The following CAMK2D variants were observed in gnomAD, a reference collection of about 807,000 sequenced individuals.
The protein encoded by CAMK2D is calcium/calmodulin dependent protein kinase II delta.
Under a neutral mutation model 84.0 loss-of-function variants are expected in CAMK2D, and 37 were observed. The observed-to-expected ratio is 0.44, with a 90% CI of 0.34 to 0.58. CAMK2D has a LOEUF of 0.58. Ranked by LOEUF, CAMK2D falls within the 20% of genes least tolerant of loss-of-function variation. The probability of loss-of-function intolerance (pLI) is 0.02; values close to 1 mark genes in which losing one functional copy is unlikely to be tolerated. For synonymous variants in CAMK2D, 202 were observed against 212.5 expected (o/e 0.95, Z 0.43); for missense variants, 448 against 652.5 (o/e 0.69, Z 3.41).
intron 8 of CAMK2D, 38 bp downstream of exon 8, chr4:113,531,178 G>T: frequency 1.9e-6 from 2 of 1,047,104 alleles, no homozygotes; most frequent in Non-Finnish European, 3.0e-6. Flanking sequence ...TAAGACACTA[G>T]CTTATCACAA....
At chr4:113,478,236 G>A (rs1480167284) in intron 16 of CAMK2D, among the ~76,000 whole-genome samples, 3 of 152,154 alleles carry the variant, frequency 2.0e-5, no homozygotes, top group Admixed American at 6.5e-5. Flanking sequence ...AGCACTTACC[G>A]AAGTGAGGTT....
intron 2 of CAMK2D, among the ~76,000 whole-genome samples, chr4:113,697,860 C>A (rs895169557): frequency 2.6e-5 from 4 of 152,022 alleles, no homozygotes; most frequent in African/African-American, 9.7e-5. Context: ...TTTAAAAGAA[C>A]CCACCTTCTT....
At chr4:113,678,987 C>T (rs1186074966) in intron 2 of CAMK2D, among the ~76,000 whole-genome samples, 1 of 152,086 alleles carries the variant, frequency 6.6e-6, no homozygotes, top group East Asian at 1.9e-4. Context: ...CCAGAATAAC[C>T]ACTATTCTGA....
At chr4:113,460,072 C>A in intron 18 of CAMK2D, 75 bp downstream of exon 18, 1 of 861,272 alleles carries the variant, frequency 1.2e-6, no homozygotes, top group South Asian at 1.4e-5. Context: ...TAGAAAAGAG[C>A]AAAATAATCT....
At chr4:113,608,226 TTAA>T (rs1395419156) in intron 4 of CAMK2D, among the ~76,000 whole-genome samples, 1 of 152,238 alleles carries the variant, frequency 6.6e-6, no homozygotes, top group African/African-American at 2.4e-5. Context: ...ACGTGGTTTC[TTAA>T]TGATATCATT....
intron 19 of CAMK2D, 22 bp from the exon 20 acceptor site, chr4:113,455,843 A>C (rs1011130609): frequency 2.1e-6 from 3 of 1,414,352 alleles, no homozygotes; most frequent in Non-Finnish European, 3.0e-6. Flanking sequence ...AGCCCCATTT[A>C]AGCCACCTGG....
intron 16 of CAMK2D, among the ~76,000 whole-genome samples, chr4:113,492,319 C>G (rs2097855607): frequency 6.6e-6 from 1 of 152,026 alleles, no homozygotes; most frequent in African/African-American, 2.4e-5. Context: ...TTGAATGTGT[C>G]CCAGAGATTC....
At chr4:113,758,819 C>A (rs564529214) in intron 2 of CAMK2D, among the ~76,000 whole-genome samples, 3 of 152,254 alleles carry the variant, frequency 2.0e-5, no homozygotes, top group Non-Finnish European at 2.9e-5. Context: ...AACTAAACTT[C>A]CTAGAATATA....
Position 113,543,515 on chromosome 4 carries a change from C to T in CAMK2D, c.414+4129G>A, listed in dbSNP as rs376994449. On this transcript the variant is annotated intron_variant, in intron 6 of 20. Coordinates refer to ENST00000511664, the MANE Select transcript of CAMK2D (RefSeq NM_001321571.2). The stretch of plus-strand genomic sequence containing the variant: ...GGATTACAGGCATAAGCCACTGCAC[C>T]GGGCCTACATACATATTTTTACATG... 3.4e-4 allele frequency among the ~76,000 whole-genome samples: 51 copies of T among 151,984 alleles called. No individual in the cohort carries two copies. In the South Asian group the frequency reaches 9.4e-3, roughly 28 times the overall value.
chr4:113,651,915 T>A (rs957919382), intron 3 of CAMK2D, among the ~76,000 whole-genome samples: 1 of 152,174 alleles, frequency 6.6e-6, no homozygotes, highest in African/African-American at 2.4e-5. Context: ...AGTTCTATAA[T>A]ACCTATATTT....
intron 2 of CAMK2D, among the ~76,000 whole-genome samples, chr4:113,685,594 G>T (rs7670019): frequency 3.3e-5 from 5 of 151,852 alleles, no homozygotes; most frequent in African/African-American, 1.2e-4. Context: ...AATAAATTAG[G>T]TGTATAAATT....
chr4:113,529,401 A>C (rs1312328054), intron 8 of CAMK2D, among the ~76,000 whole-genome samples: 1 of 152,200 alleles, frequency 6.6e-6, no homozygotes, highest in African/African-American at 2.4e-5. Flanking sequence ...TTTCAGAATC[A>C]AGTAAAGTTT....
rs1389976604 is a variant in CAMK2D, at chr4:113,705,915, A to G, written c.161-44143T>C. On this transcript the variant is annotated intron_variant, in intron 2 of 20. Transcript: ENST00000511664. ...GAACCCTGGCATAGTTGTGGGGAAGAGCTCCAAAAACCTGTAACACCATAT... is the reference window on the plus strand; with the variant it reads ...GAACCCTGGCATAGTTGTGGGGAAGGGCTCCAAAAACCTGTAACACCATAT... Among the ~76,000 whole-genome samples the G allele has an allele frequency of 2.6e-5, 4 of 152,182 alleles. No homozygotes were observed. In the East Asian group the frequency reaches 7.7e-4, roughly 29 times the overall value.
chr4:113,750,861 A>G (rs1460174013), intron 2 of CAMK2D, among the ~76,000 whole-genome samples: 1 of 152,114 alleles, frequency 6.6e-6, no homozygotes, highest in Admixed American at 6.5e-5. Context: ...AAAAAAAATA[A>G]AACAAACAAC....
At chr4:113,530,056 T>G (rs1375923410) in intron 8 of CAMK2D, among the ~76,000 whole-genome samples, 1 of 152,246 alleles carries the variant, frequency 6.6e-6, no homozygotes, top group Non-Finnish European at 1.5e-5. Flanking sequence ...TGCTGTAGAC[T>G]GAGGTTTGAG....
chr4:113,477,548 C>A (rs1293074651), intron 16 of CAMK2D, among the ~76,000 whole-genome samples: 1 of 151,698 alleles, frequency 6.6e-6, no homozygotes, highest in Non-Finnish European at 1.5e-5. Context: ...GAGTTCGAGA[C>A]CAGCCTGGCC....
Position 113,499,876 on chromosome 4 carries a change from GCACTGAGAAGATGT to G in CAMK2D, c.1135+573_1135+586del, listed in dbSNP as rs1294902884. On this transcript the variant is annotated intron_variant, in intron 16 of 20. Transcript: ENST00000511664. ...GTGTGTTCAGTATGTGTGTGCAGGG[GCACTGAGAAGATGT>G]CTGTAGAAACACTACCAATGACTCA... is the stretch of plus-strand genomic sequence containing the variant. Among the ~76,000 whole-genome samples, 10 of 152,250 alleles carry G rather than the reference GCACTGAGAAGATGT, an allele frequency of 6.6e-5. No homozygotes were observed. In the East Asian group the frequency reaches 1.9e-3, roughly 29 times the overall value.
rs983192791 is a variant in CAMK2D at position 113,724,004 on chromosome 4, C to T, written c.160+35316G>A. On this transcript the variant is annotated intron_variant, in intron 2 of 20. Transcript: ENST00000511664. ...CATATTGATGTTATATTACGTATTA[C>T]GTTAATAAAATTCCTAATGTTAAAT... Among the ~76,000 whole-genome samples the T allele has an allele frequency of 7.9e-5, 12 of 152,088 alleles. No individual in the cohort carries two copies. The South Asian group carries it at 1.2e-3, about 16-fold the overall frequency.
In CAMK2D at chr4:113,531,287, G is replaced by A; in HGVS notation, c.530C>T (p.Thr177Ile). 1.3e-6 allele frequency: 2 copies of A among 1,592,260 alleles called. No homozygotes were observed. The highest frequency in any genetic ancestry group is 1.7e-6 in the Non-Finnish European group (2 of 1,160,332). Residue 177 changes from threonine (T) to isoleucine (I), a missense_variant, in exon 8 of 21, where the codon ACA becomes ATA. Coordinates refer to ENST00000511664, the MANE Select transcript of CAMK2D (RefSeq NM_001321571.2). The part of the protein sequence containing the change: ...DQQAWFGFAG[T>I]PGYLSPEVLR... ...AACTTCTGGAGAAAGATATCCAGGT[G>A]TGCCAGCAAAACCTAGGGAAAAGAG...
Sources: gnomAD v4.1 joint callset for allele counts (sites outside exome capture counted in the v4.1 genomes callset) on GRCh38, gnomAD v4.1.1 for gene constraint, MANE v1.5 for transcripts, NCBI Gene and HGNC (gene_info 2026-07-23, HGNC 2026-07-21) for gene names.